The following NWD1 variants were observed in gnomAD, a reference collection of about 807,000 sequenced individuals.
The protein encoded by NWD1 is NACHT and WD repeat domain containing 1, also known as NACHT domain- and WD repeat-containing protein 1.
A neutral mutation model predicts 135.1 loss-of-function variants in NWD1; 129 were observed. The ratio of observed to expected loss-of-function variants is 0.96; its 90% CI spans 0.83 to 1.11. The LOEUF (loss-of-function observed/expected upper bound fraction) is 1.11, where lower values mean the gene tolerates loss of function less well. Among genes scored for constraint, NWD1 ranks in the 50% least tolerant of loss-of-function variants. NWD1 has a pLI of 0.00. For missense variants in NWD1, 1,740 were observed against 1,851.3 expected (o/e 0.94, Z 1.10); for synonymous variants, 773 against 786.0 (o/e 0.98, Z 0.28).
intron 4 of NWD1, among the ~76,000 whole-genome samples, chr19:16,738,884 T>TTATA (rs1245610230): frequency 7.0e-6 from 1 of 142,680 alleles, no homozygotes; most frequent in Non-Finnish European, 1.5e-5. Context: ...ACATTATATA[T>TTATA]TATATATATA....
intron 16 of NWD1, among the ~76,000 whole-genome samples, chr19:16,798,823 C>T (rs577833790): frequency 5.3e-5 from 8 of 151,924 alleles, no homozygotes; most frequent in Non-Finnish European, 7.4e-5. Context: ...GACGGGGTTC[C>T]GCCATGTTGG....
Position 16,776,621 on chromosome 19 carries a change from G to A in NWD1, c.2609-2722G>A, listed in dbSNP as rs535236137. Among the ~76,000 whole-genome samples, 127 of 150,444 alleles carry A rather than the reference G, an allele frequency of 8.4e-4. 2 individuals are homozygous for A. Among genetic ancestry groups the A allele is most frequent in the Middle Eastern group, 6.9e-3 (2 of 290 alleles). ...GTTAATATTTCCAAGGTCACACAAT[G>A]AGTGCATAAGAAAAAAAGTAAAAGG... On this transcript the variant is annotated intron_variant, in intron 11 of 18. Transcript: ENST00000524140.
chr19:16,734,342 A>T (rs1967701993), intron 3 of NWD1, among the ~76,000 whole-genome samples: 1 of 151,966 alleles, frequency 6.6e-6, no homozygotes, highest in Non-Finnish European at 1.5e-5. Flanking sequence ...AGGTCAGGAG[A>T]TTGAGACCAT....
intron 3 of NWD1, among the ~76,000 whole-genome samples, chr19:16,735,340 A>G (rs1248349816): frequency 6.7e-6 from 1 of 149,038 alleles, no homozygotes; most frequent in African/African-American, 2.5e-5. Context: ...TTTATCTCTA[A>G]TAAAGATACA....
chr19:16,773,423 C>A, intron 11 of NWD1, 100 bp downstream of exon 11: 1 of 1,023,164 alleles, frequency 9.8e-7, no homozygotes, highest in Non-Finnish European at 1.4e-6. Context: ...CTCCCCTGTG[C>A]TAGTTGGGAG....
At chr19:16,729,089 GT>G (rs1967451223) in intron 2 of NWD1, among the ~76,000 whole-genome samples, 1 of 152,068 alleles carries the variant, frequency 6.6e-6, no homozygotes, top group South Asian at 2.1e-4. Context: ...AGTGACTCAT[GT>G]GGGAGCCTCC....
intron 10 of NWD1, 109 bp from the exon 11 acceptor site, chr19:16,773,017 A>C: frequency 1.2e-6 from 1 of 866,066 alleles, no homozygotes; most frequent in Non-Finnish European, 1.9e-6. Context: ...TAGCTGAGGT[A>C]TTGTGTCTTC....
intron 4 of NWD1, among the ~76,000 whole-genome samples, chr19:16,740,629 C>T (rs1182574790): frequency 1.3e-5 from 2 of 149,826 alleles, no homozygotes; most frequent in African/African-American, 2.5e-5. Flanking sequence ...TGAGCCACTG[C>T]GCCCAGACTT....
rs78977506 is a variant in NWD1, at chr19:16,747,345, TTTTATTTATTTATTTATTTATTTA to T, written c.497-1777_497-1754del. ...CACCCGCGCCTGGCTGACATTTTCT[TTTTATTTATTTATTTATTTATTTA>T]TTTATTTATTTATTTAATTTTTTTT... is the stretch of plus-strand genomic sequence containing the variant. On this transcript the variant is annotated intron_variant, in intron 5 of 18. Transcript: ENST00000524140. 3.5e-5 allele frequency among the ~76,000 whole-genome samples: 5 copies of T among 143,170 alleles called. No individual in the cohort carries two copies. The East Asian group carries it at 6.2e-4, about 18-fold the overall frequency. 93.9% of individuals were successfully genotyped at this position (143,170 alleles called of 152,430 possible). A position where few individuals can be genotyped will look rare whatever the true frequency, so the allele number is the denominator to read the frequency against.
chr19:16,811,446 T>C (rs1355079634), intron 18 of NWD1, among the ~76,000 whole-genome samples: 3 of 151,486 alleles, frequency 2.0e-5, no homozygotes, highest in Non-Finnish European at 4.4e-5. Flanking sequence ...TAGCCGGGCA[T>C]GGTGGTGCAT....
chr19:16,762,184 G>A (rs765387132), intron 8 of NWD1, 46 bp downstream of exon 8: 3 of 1,567,490 alleles, frequency 1.9e-6, no homozygotes, highest in Non-Finnish European at 2.6e-6. Context: ...CCTCCACCCT[G>A]CCTGGCATTG....
At chr19:16,737,248 A>G (rs1288963423) in intron 4 of NWD1, among the ~76,000 whole-genome samples, 2 of 152,108 alleles carry the variant, frequency 1.3e-5, no homozygotes, top group Non-Finnish European at 1.5e-5. Context: ...ATTAAAATTG[A>G]ATGATATTCC....
At chr19:16,729,502 A>G (rs1385525398) in intron 2 of NWD1, among the ~76,000 whole-genome samples, 2 of 151,586 alleles carry the variant, frequency 1.3e-5, no homozygotes, top group Non-Finnish European at 2.9e-5. Flanking sequence ...GTCCCTCTGA[A>G]GTGGGCAGAT....
In NWD1 at chr19:16,749,335, C is replaced by A; in HGVS notation, c.693C>A (p.Ile231=). The A allele has an allele frequency of 6.2e-7, 1 of 1,613,868 alleles. No homozygotes were observed. The highest frequency in any genetic ancestry group is 8.5e-7 in the Non-Finnish European group (1 of 1,179,916). ...QNLLSSLKSH[I]TDMHPGVLKT... ...TTCTCAGCAGCCTCAAAAGTCACATCACTGACATGCACCCAGGGGTCCTCA... is the reference window on the plus strand; with the variant it reads ...TTCTCAGCAGCCTCAAAAGTCACATAACTGACATGCACCCAGGGGTCCTCA... The change falls in exon 6 of 19, where the codon ATC becomes ATA. Residue 231 remains isoleucine (I), a synonymous_variant. Transcript: ENST00000524140.
At chr19:16,777,704 AAGGGAAGGGG>A (rs1969699294) in intron 11 of NWD1, among the ~76,000 whole-genome samples, 1 of 31,098 alleles carries the variant, frequency 3.2e-5, no homozygotes, top group Non-Finnish European at 6.0e-5. Context: ...GAGGGAAGGG[AAGGGAAGGGG>A]AGGGAAGGGG....
chr19:16,802,207 G>A lies in NWD1; in HGVS notation c.3736+2045G>A, dbSNP rs368537202. Reference sequence around the variant, plus strand: ...GGAGGCAGGAGAATCGCTTGAGCCCGGCAGGCAGAGGTTGCATTGAGCACC... The same window carrying A: ...GGAGGCAGGAGAATCGCTTGAGCCCAGCAGGCAGAGGTTGCATTGAGCACC... On this transcript the variant is annotated intron_variant, in intron 17 of 18. Coordinates refer to ENST00000524140, the MANE Select transcript of NWD1 (RefSeq NM_001007525.5). Among the ~76,000 whole-genome samples, 35 of 151,540 alleles carry A rather than the reference G, an allele frequency of 2.3e-4. No individual in the cohort carries two copies. The East Asian group carries it at 4.3e-3, about 19-fold the overall frequency.
intron 4 of NWD1, among the ~76,000 whole-genome samples, chr19:16,743,647 A>G (rs1968177059): frequency 6.6e-6 from 1 of 151,150 alleles, no homozygotes; most frequent in Non-Finnish European, 1.5e-5. Flanking sequence ...AGGAAAAGAA[A>G]CCATACATAT....
intron 14 of NWD1, among the ~76,000 whole-genome samples, chr19:16,792,899 A>G (rs1286490585): frequency 1.3e-5 from 2 of 148,316 alleles, no homozygotes; most frequent in Non-Finnish European, 3.0e-5. Context: ...AAAAAAAGAA[A>G]GGAATCATGG....
intron 12 of NWD1, among the ~76,000 whole-genome samples, chr19:16,784,120 A>C (rs1599526601): frequency 6.6e-6 from 1 of 151,890 alleles, no homozygotes; most frequent in East Asian, 1.9e-4. Context: ...CAGGAAGATC[A>C]CTTGAACCTG....
Sources: gnomAD v4.1 joint callset for allele counts (sites outside exome capture counted in the v4.1 genomes callset) on GRCh38, gnomAD v4.1.1 for gene constraint, MANE v1.5 for transcripts, NCBI Gene and HGNC (gene_info 2026-07-23, HGNC 2026-07-21) for gene names.